Variants in NUP62 observed in about 807,000 individuals in gnomAD.
NUP62 encodes nucleoporin 62, also known as nuclear pore glycoprotein p62.
For synonymous variants in NUP62, 305 were observed against 303.4 expected (o/e 1.01, Z -0.05); for missense variants, 647 against 689.4 (o/e 0.94, Z 0.69).
At chr19:49,927,400 T>C (rs1304433089) in intron 2 of NUP62, among the ~76,000 whole-genome samples, 1 of 152,008 alleles carries the variant, frequency 6.6e-6, no homozygotes, top group Non-Finnish European at 1.5e-5. Flanking sequence ...TAAAAAAAAA[T>C]CGCAAAAAAT....
intron 2 of NUP62, among the ~76,000 whole-genome samples, chr19:49,923,253 C>T (rs945199686): frequency 3.3e-5 from 5 of 152,218 alleles, no homozygotes; most frequent in Non-Finnish European, 7.3e-5. Context: ...TTTGCCAGGA[C>T]TCCCACCTTC....
At chr19:49,911,892 C>T (rs762781464) in intron 2 of NUP62, among the ~76,000 whole-genome samples, 11 of 152,222 alleles carry the variant, frequency 7.2e-5, no homozygotes, top group Non-Finnish European at 1.3e-4. Flanking sequence ...GGGCCTGGCC[C>T]GGCCTACATC....
Position 49,908,346 on chromosome 19 carries a change from TC to T in NUP62, c.1461del (p.Trp487Ter). The T allele has an allele frequency of 6.2e-7, 1 of 1,614,150 alleles. No homozygotes were observed. The highest frequency in any genetic ancestry group is 8.5e-7 in the Non-Finnish European group (1 of 1,180,014). On this transcript the variant is annotated frameshift_variant, in exon 3 of 3. Transcript: ENST00000352066. LOFTEE classifies it high-confidence loss of function. ...TGCAGCAGGGCCGAGTTCTGGTCGA[TC>T]CACTGCAGTGAGTCCATGTGCGCAT... Reference protein sequence around the residue: ...ILNAHMDSLQWIDQNSALLQR... With the variant: ...ILNAHMDSLQXIDQNSALLQR...
chr19:49,917,649 CCTGGCGGGAG>C (rs926359122), intron 2 of NUP62: 1 of 152,436 alleles, frequency 6.6e-6, no homozygotes, highest in African/African-American at 2.4e-5. Flanking sequence ...GTTGCAGTCG[CCTGGCGGGAG>C]CTGGCGGTGG....
chr19:49,911,479 T>C (rs1340958253), intron 2 of NUP62: 2 of 152,170 alleles, frequency 1.3e-5, no homozygotes, highest in African/African-American at 4.8e-5. Context: ...GGCCAGTTTT[T>C]AAATTGCTTG....
chr19:49,915,220 T>C (rs1473621401), intron 2 of NUP62, among the ~76,000 whole-genome samples: 3 of 152,110 alleles, frequency 2.0e-5, no homozygotes, highest in Non-Finnish European at 2.9e-5. Context: ...ACCCTGTCAA[T>C]GTGACCTTAC....
intron 2 of NUP62, among the ~76,000 whole-genome samples, chr19:49,916,692 A>G (rs2075632716): frequency 6.6e-6 from 1 of 150,460 alleles, no homozygotes; most frequent in Non-Finnish European, 1.5e-5. Context: ...TCAACCCGGG[A>G]GGCGGAGCTT....
rs1328444941 is a variant in NUP62 at position 49,907,547 on chromosome 19, T to TC, written c.*691_*692insG. 4.7e-6 allele frequency: 2 copies of TC among 428,788 alleles called. No individual in the cohort carries two copies. Among genetic ancestry groups the TC allele is most frequent in the South Asian group, 3.4e-5 (2 of 59,312 alleles). The allele number at this position is 428,788 out of a possible 1,614,324, so 26.6% of individuals were successfully genotyped here. ...GTCTCCTGGGAGTTTCTTTTTTTTT[T>TC]TTTTTTTTTTTGAGACAGAGTCTCT... On this transcript the variant is annotated 3_prime_UTR_variant, in exon 3 of 3. Coordinates refer to ENST00000352066, the MANE Select transcript of NUP62 (RefSeq NM_016553.5).
At chr19:49,910,429 C>T (rs748576163) in intron 2 of NUP62, among the ~76,000 whole-genome samples, 32 of 152,118 alleles carry the variant, frequency 2.1e-4, no homozygotes, top group Non-Finnish European at 4.6e-4. Context: ...TCTCTAAGAG[C>T]AGGAGAGGAC....
rs938624243 is a variant in NUP62, at chr19:49,909,539, A to G, written c.269T>C (p.Leu90Ser). The G allele has an allele frequency of 1.9e-6, 3 of 1,614,066 alleles. No homozygotes were observed. The Admixed American group carries it at 5.0e-5, about 27-fold the overall frequency. ...TLASGGTGFSLGIGASKLNLS... is the reference protein window; with the variant it reads ...TLASGGTGFSSGIGASKLNLS... ...GTTGAGCTTTGAAGCACCGATCCCC[A>G]AAGAAAATCCAGTTCCCCCCGAAGC... The change falls in exon 3 of 3, where the codon TTG becomes TCG. Residue 90 changes from leucine to serine, a missense_variant. By Grantham distance (145) the Leu-to-Ser change is moderately radical. Transcript: ENST00000352066.
rs147918189 is a variant in NUP62 at position 49,920,896 on chromosome 19, C to T, written c.-78+6798G>A. Among the ~76,000 whole-genome samples the T allele has an allele frequency of 6.7e-3, 1,020 of 152,282 alleles. 49 individuals are homozygous for T. Among genetic ancestry groups the T allele is most frequent in the Admixed American group, 0.063 (958 of 15,288 alleles). The stretch of plus-strand genomic sequence containing the variant: ...CAGCCCCTCTTCTTGTCAACATCAG[C>T]TTCCCCGGGGAGAGGCAGTGATGTT... On this transcript the variant is annotated intron_variant, in intron 2 of 2. Transcript: ENST00000352066.
At chr19:49,915,234 G>T (rs548766727) in intron 2 of NUP62, among the ~76,000 whole-genome samples, 3 of 152,138 alleles carry the variant, frequency 2.0e-5, no homozygotes, top group Non-Finnish European at 4.4e-5. Flanking sequence ...ACCTTACATG[G>T]CAAAGGGACT....
intron 2 of NUP62, among the ~76,000 whole-genome samples, chr19:49,912,555 C>T (rs547135722): frequency 6.6e-6 from 1 of 152,258 alleles, no homozygotes; most frequent in South Asian, 2.1e-4. Flanking sequence ...CATACTGATC[C>T]AGCCCTGATC....
chr19:49,917,476 C>G (rs1014949463), intron 2 of NUP62: 1 of 152,262 alleles, frequency 6.6e-6, no homozygotes, highest in African/African-American at 2.4e-5. Flanking sequence ...GTCAACTGAC[C>G]AACACCTTCC....
intron 2 of NUP62, among the ~76,000 whole-genome samples, chr19:49,915,946 A>G (rs1053128417): frequency 6.6e-6 from 1 of 152,254 alleles, no homozygotes; most frequent in Admixed American, 6.5e-5. Flanking sequence ...CCACTGGGCC[A>G]GATTTCCGTT....
chr19:49,913,750 T>C (rs1016569715), intron 2 of NUP62, among the ~76,000 whole-genome samples: 2 of 152,152 alleles, frequency 1.3e-5, no homozygotes, highest in Admixed American at 1.3e-4. Flanking sequence ...GCTCTGTGAG[T>C]CTTAGCTCAT....
At chr19:49,919,871 CTT>C (rs1294773155) in intron 2 of NUP62, among the ~76,000 whole-genome samples, 1 of 152,132 alleles carries the variant, frequency 6.6e-6, no homozygotes, top group African/African-American at 2.4e-5. Flanking sequence ...TGGCCAATAA[CTT>C]TTATTTCTTA....
In NUP62 at chr19:49,912,543, C is replaced by T. The variant is rs116586486; in HGVS notation, c.-77-2659G>A. 5.1e-3 allele frequency among the ~76,000 whole-genome samples: 774 copies of T among 152,196 alleles called. 10 individuals carry two copies. Among genetic ancestry groups the T allele is most frequent in the African/African-American group, 0.018 (739 of 41,526 alleles). ...CCAGGGATCTATTCACAATGGTGAACCCATACTGATCCAGCCCTGATCCAC... is the reference window on the plus strand; with the variant it reads ...CCAGGGATCTATTCACAATGGTGAATCCATACTGATCCAGCCCTGATCCAC... On this transcript the variant is annotated intron_variant, in intron 2 of 2. Transcript: ENST00000352066.
intron 1 of NUP62, chr19:49,928,646 G>C (rs1402452947): frequency 6.6e-6 from 1 of 152,314 alleles, no homozygotes; most frequent in South Asian, 2.1e-4. Flanking sequence ...TTACAGATAG[G>C]GAAATGAAGT....
Sources: allele counts gnomAD v4.1 joint callset (sites outside exome capture counted in the v4.1 genomes callset), GRCh38; gene constraint gnomAD v4.1.1; transcripts MANE v1.5; gene names NCBI Gene and HGNC (gene_info 2026-07-23, HGNC 2026-07-21).